Variants in HOXB3 observed in about 807,000 individuals in gnomAD.
HOXB3 encodes homeobox B3.
In HOXB3, 17 loss-of-function variants were observed where a neutral mutation model predicts 29.2. That is an observed-to-expected ratio of 0.58 (90% CI 0.40 to 0.87). The LOEUF (loss-of-function observed/expected upper bound fraction) is 0.87. Ranked by LOEUF, HOXB3 falls within the 40% of genes least tolerant of loss-of-function variation. The pLI is 0.00. For synonymous variants in HOXB3, 317 were observed against 285.9 expected, an observed-to-expected ratio of 1.11 and a Z score of -1.10; for missense variants, 637 against 616.3, an observed-to-expected ratio of 1.03 and a Z score of -0.35.
chr17:48,567,361 G>C (rs543635601), intron 2 of HOXB3, among the ~76,000 whole-genome samples: 9 of 152,360 alleles, frequency 5.9e-5, no homozygotes, highest in Non-Finnish European at 1.2e-4. Context: ...CTAGCAGGCA[G>C]AGTTAAATAT....
intron 2 of HOXB3, among the ~76,000 whole-genome samples, chr17:48,562,914 G>C (rs1312835533): frequency 6.6e-6 from 1 of 152,116 alleles, no homozygotes; most frequent in Admixed American, 6.5e-5. Flanking sequence ...CTCCTGCATG[G>C]CTCCCTTACT....
At chr17:48,556,144 T>G (rs1321752884) in intron 2 of HOXB3, among the ~76,000 whole-genome samples, 2 of 34,594 alleles carry the variant, frequency 5.8e-5, no homozygotes, top group Admixed American at 4.2e-4. Flanking sequence ...AGAAGGAGGG[T>G]TTTTTTTTTT....
intron 3 of HOXB3, 94 bp from the exon 4 acceptor site, chr17:48,552,726 T>G (rs559548026): frequency 4.8e-6 from 2 of 415,852 alleles, no homozygotes; most frequent in East Asian, 7.1e-5. Flanking sequence ...CAATAGGGTT[T>G]TTTCTTTTCC....
intron 2 of HOXB3, among the ~76,000 whole-genome samples, chr17:48,569,193 ATTAT>A (rs1257332740): frequency 2.6e-5 from 4 of 152,002 alleles, no homozygotes; most frequent in Non-Finnish European, 5.9e-5. Flanking sequence ...CTCGGCATTA[ATTAT>A]TTAATGAATC....
intron 1 of HOXB3, chr17:48,578,220 A>T (rs2069835608): frequency 6.2e-7 from 1 of 1,613,714 alleles, no homozygotes; most frequent in African/African-American, 1.3e-5. Context: ...TACCCGGGCG[A>T]GTGGTCGCTG....
intron 2 of HOXB3, 32 bp downstream of exon 2, chr17:48,573,805 A>G (rs2069665627): frequency 2.9e-6 from 2 of 700,220 alleles, no homozygotes; most frequent in African/African-American, 1.7e-5. Flanking sequence ...AAAACGATCA[A>G]AACACGCCAG....
intron 2 of HOXB3, among the ~76,000 whole-genome samples, chr17:48,570,943 TAG>T (rs748539904): frequency 6.6e-6 from 1 of 151,524 alleles, no homozygotes; most frequent in African/African-American, 2.4e-5. Flanking sequence ...AAAATGAAAA[TAG>T]AGAGAGAGCA....
rs74551329 is a variant in HOXB3, at chr17:48,587,658, G to T, written c.-425+2467C>A. The stretch of plus-strand genomic sequence containing the variant: ...GAATAACTTCTCACAGCCAGGGAAG[G>T]GTTAAGTGTCCCTGCCACAGTTATG... On this transcript the variant is annotated intron_variant, in intron 1 of 4. Coordinates refer to ENST00000498678, the MANE Select transcript of HOXB3 (RefSeq NM_001384749.1). Among the ~76,000 whole-genome samples the T allele has an allele frequency of 9.2e-5, 14 of 152,318 alleles. No homozygotes were observed. The East Asian group carries it at 2.7e-3, about 29-fold the overall frequency.
chr17:48,550,278 A>C lies in HOXB3; in HGVS notation c.*56T>G. 6.2e-7 allele frequency: 1 copy of C among 1,608,900 alleles called. No homozygotes were observed. The highest frequency in any genetic ancestry group is 1.1e-5 in the South Asian group (1 of 90,378). ...TTCAGACCTCCAGGTTGCCCCCCAG[A>C]GCTCCACAGTCTCTCTCTTCCTCCC... On this transcript the variant is annotated 3_prime_UTR_variant, in exon 5 of 5. Transcript: ENST00000498678.
At chr17:48,578,516 G>A in intron 1 of HOXB3, 2 of 622,548 alleles carry the variant, frequency 3.2e-6, no homozygotes, top group Non-Finnish European at 5.3e-6. Flanking sequence ...TCCAGCCAAA[G>A]AGGTTTATTT....
At chr17:48,555,745 C>T in intron 2 of HOXB3, 127 bp from the exon 3 acceptor site, 1 of 640,246 alleles carries the variant, frequency 1.6e-6, no homozygotes, top group Non-Finnish European at 2.8e-6. Flanking sequence ...AGCCGCGCGG[C>T]GTCCGCTTCA....
chr17:48,571,204 T>C (rs1427792854), intron 2 of HOXB3, among the ~76,000 whole-genome samples: 1 of 152,228 alleles, frequency 6.6e-6, no homozygotes, highest in Non-Finnish European at 1.5e-5. Context: ...GCGAGATTGA[T>C]TTACGAATCT....
At chr17:48,589,582 T>C (rs187993319) in intron 1 of HOXB3, among the ~76,000 whole-genome samples, 64 of 152,142 alleles carry the variant, frequency 4.2e-4, no homozygotes, top group Admixed American at 3.9e-3. Flanking sequence ...CCTCTTTTTA[T>C]GGGCTTCAAA....
intron 2 of HOXB3, among the ~76,000 whole-genome samples, chr17:48,568,954 G>A (rs575015642): frequency 1.3e-5 from 2 of 152,244 alleles, no homozygotes; most frequent in South Asian, 4.2e-4. Context: ...TAGGTAGTGA[G>A]AAATCCCTTC....
chr17:48,571,457 G>A (rs919374768), intron 2 of HOXB3, among the ~76,000 whole-genome samples: 5 of 152,218 alleles, frequency 3.3e-5, no homozygotes, highest in African/African-American at 9.7e-5. Context: ...GAGAAAGAGG[G>A]AAAGAAGTCA....
At position 48,549,738 on chromosome 17, in the gene HOXB3, T is replaced by C. The variant is rs186023892; in HGVS notation, c.*596A>G. ...CTGTAATTGATGGGGGTGGGATGTA[T>C]AGATATGAATGTTCTAGAGCAGAAA... On this transcript the variant is annotated 3_prime_UTR_variant, in exon 5 of 5. Coordinates refer to ENST00000498678, the MANE Select transcript of HOXB3 (RefSeq NM_001384749.1). 159 of 154,600 alleles carry C rather than the reference T, an allele frequency of 1.0e-3. No individual in the cohort carries two copies. Among genetic ancestry groups the C allele is most frequent in the Admixed American group, 2.0e-3 (31 of 15,796 alleles). The allele number at this position is 154,600 out of a possible 1,614,324, so 9.6% of individuals were successfully genotyped here.
intron 1 of HOXB3, among the ~76,000 whole-genome samples, chr17:48,587,451 A>G (rs1221266097): frequency 1.3e-5 from 2 of 152,190 alleles, no homozygotes; most frequent in Non-Finnish European, 2.9e-5. Flanking sequence ...TGGTCCCCCA[A>G]GCTGAGAAGT....
At chr17:48,587,272 G>C (rs1443719957) in intron 1 of HOXB3, among the ~76,000 whole-genome samples, 2 of 152,140 alleles carry the variant, frequency 1.3e-5, no homozygotes, top group African/African-American at 4.8e-5. Context: ...TAATTAATAT[G>C]GATGTGTAAC....
chr17:48,564,394 T>C (rs894937138), intron 2 of HOXB3, among the ~76,000 whole-genome samples: 7 of 151,802 alleles, frequency 4.6e-5, no homozygotes, highest in Non-Finnish European at 1.0e-4. Flanking sequence ...CCCGCCGAGC[T>C]GGGGGAGAGG....
Sources: allele counts gnomAD v4.1 joint callset (sites outside exome capture counted in the v4.1 genomes callset), GRCh38; gene constraint gnomAD v4.1.1; transcripts MANE v1.5; gene names NCBI Gene and HGNC (gene_info 2026-07-23, HGNC 2026-07-21).